Variants in KNSTRN observed in about 807,000 individuals in gnomAD.
The protein encoded by KNSTRN is small kinetochore-associated protein.
Under a neutral mutation model 44.7 loss-of-function variants are expected in KNSTRN, and 38 were observed. The observed-to-expected ratio is 0.85, with a 90% confidence interval of 0.66 to 1.11. The LOEUF (loss-of-function observed/expected upper bound fraction) is 1.11. Among genes scored for constraint, KNSTRN ranks in the 50% most tolerant of loss-of-function variants. The pLI is 0.00. For synonymous variants in KNSTRN, 158 were observed against 148.1 expected (o/e 1.07, Z -0.48); for missense variants, 406 against 375.8 (o/e 1.08, Z -0.66).
At chr15:40,384,168 T>C (rs1403072600) in intron 2 of KNSTRN, 1 of 234,560 alleles carries the variant, frequency 4.3e-6, no homozygotes, top group Non-Finnish European at 8.7e-6. Flanking sequence ...GGTCAGGAGA[T>C]GGAGACCATC....
At position 40,392,036 on chromosome 15, in the gene KNSTRN, C is replaced by T. The variant is rs1890007496; in HGVS notation, c.822+13C>T. On this transcript the variant is annotated intron_variant, in intron 8 of 8. Coordinates refer to ENST00000249776, the MANE Select transcript of KNSTRN (RefSeq NM_033286.4). The stretch of plus-strand genomic sequence containing the variant: ...GGAGGAGTTACAGGTGAGAGGCAGA[C>T]ATCACCCTGACCATTTCCTACCATG... 6.3e-7 allele frequency: 1 copy of T among 1,588,356 alleles called. No individual in the cohort carries two copies. Among genetic ancestry groups the T allele is most frequent in the Admixed American group, 1.8e-5 (1 of 56,864 alleles).
intron 5 of KNSTRN, 50 bp from the exon 6 acceptor site, chr15:40,389,786 C>T: frequency 6.4e-7 from 1 of 1,566,680 alleles, no homozygotes. Context: ...AGGGCAACCA[C>T]CCCTAGGGAG....
At chr15:40,386,578 AAC>A in intron 3 of KNSTRN, 84 bp downstream of exon 3, 1 of 1,448,250 alleles carries the variant, frequency 6.9e-7, no homozygotes, top group Admixed American at 1.9e-5. Flanking sequence ...AGTTTTGGAC[AAC>A]ACAAGTCTCC....
intron 2 of KNSTRN, chr15:40,384,266 T>G: frequency 3.4e-6 from 1 of 290,458 alleles, no homozygotes; most frequent in South Asian, 2.7e-5. Context: ...CCCAGCTACT[T>G]GGGAGGCTGA....
intron 6 of KNSTRN, among the ~76,000 whole-genome samples, chr15:40,390,512 GT>G (rs751642889): frequency 4.7e-4 from 72 of 152,350 alleles, no homozygotes; most frequent in Non-Finnish European, 8.7e-4. Flanking sequence ...CTCAGACTGA[GT>G]CAAAGAGCCA....
chr15:40,384,622 C>G (rs1889873598), intron 2 of KNSTRN: 1 of 357,742 alleles, frequency 2.8e-6, no homozygotes, highest in South Asian at 2.0e-5. Flanking sequence ...TCTTTGATTT[C>G]TATCTCTGTC....
At chr15:40,392,403 AATC>A (rs1190550252) in intron 8 of KNSTRN, among the ~76,000 whole-genome samples, 1 of 152,148 alleles carries the variant, frequency 6.6e-6, no homozygotes, top group Non-Finnish European at 1.5e-5. Flanking sequence ...AAAACTAAGA[AATC>A]AGCCAGGCAT....
chr15:40,392,898 A>C (rs776908941), intron 8 of KNSTRN, among the ~76,000 whole-genome samples: 58 of 152,308 alleles, frequency 3.8e-4, no homozygotes, highest in Non-Finnish European at 6.8e-4. Flanking sequence ...GGTGTGAGCC[A>C]CTGCACCCGG....
intron 2 of KNSTRN, 127 bp downstream of exon 2, chr15:40,383,449 C>G (rs942259110): frequency 7.5e-6 from 5 of 666,418 alleles, no homozygotes; most frequent in African/African-American, 3.6e-5. Context: ...CTGTGAGCCC[C>G]CTATAACCAG....
intron 2 of KNSTRN, among the ~76,000 whole-genome samples, chr15:40,385,984 G>A (rs1192091657): frequency 6.6e-6 from 1 of 152,240 alleles, no homozygotes; most frequent in East Asian, 1.9e-4. Context: ...AGGCATCGTG[G>A]CTCACGCCAG....
rs1390673744 is a variant in KNSTRN at position 40,391,493 on chromosome 15, C to G, written c.686C>G (p.Ala229Gly). 1 of 1,613,260 alleles carries G rather than the reference C, an allele frequency of 6.2e-7. No individual in the cohort carries two copies. Among genetic ancestry groups the G allele is most frequent in the Non-Finnish European group, 8.5e-7 (1 of 1,179,408 alleles). Residue 229 changes from alanine (A) to glycine (G), a missense_variant and splice_region_variant, in exon 7 of 9, where the codon GCT (alanine) becomes GGT (glycine). By Grantham distance (60) the Ala-to-Gly change is moderately conservative. Transcript: ENST00000249776. ...AGATTGACTTTGTTGTATCCATCAG[C>G]TTTAGGCAGTGAGACCCTGGCATCA... ...AILESKGLDP[A>G]LGSETLASRQ...
chr15:40,391,896 G>T, intron 7 of KNSTRN, 53 bp from the exon 8 acceptor site: 3 of 1,390,014 alleles, frequency 2.2e-6, no homozygotes, highest in Non-Finnish European at 3.0e-6. Flanking sequence ...ATCATCTAAT[G>T]CAAGTCTGGT....
In KNSTRN at chr15:40,393,638, A is replaced by G. The variant is rs1200570619; in HGVS notation, c.*41A>G. The G allele has an allele frequency of 4.4e-6, 7 of 1,583,256 alleles. No individual in the cohort carries two copies. Among genetic ancestry groups the G allele is most frequent in the Non-Finnish European group, 6.0e-6 (7 of 1,159,658 alleles). On this transcript the variant is annotated 3_prime_UTR_variant, in exon 9 of 9. Transcript: ENST00000249776. ...CAGATGGCTCCCTCTTGGGCATAAA[A>G]TCTCAGAGGAAGCTACTTAGGACAT... is the stretch of plus-strand genomic sequence containing the variant.
At chr15:40,383,702 G>A (rs1381012327) in intron 2 of KNSTRN, among the ~76,000 whole-genome samples, 1 of 152,164 alleles carries the variant, frequency 6.6e-6, no homozygotes, top group East Asian at 1.9e-4. Flanking sequence ...AGAATCATTT[G>A]AGAAGTGGGA....
intron 3 of KNSTRN, 68 bp downstream of exon 3, chr15:40,386,562 A>G (rs2141273293): frequency 1.3e-6 from 2 of 1,557,682 alleles, no homozygotes; most frequent in East Asian, 4.5e-5. Flanking sequence ...AAGAATTAGA[A>G]AACAGAGTTT....
chr15:40,390,619 CT>C (rs1049307817), intron 6 of KNSTRN, among the ~76,000 whole-genome samples: 213 of 144,818 alleles, frequency 1.5e-3, no homozygotes, highest in Middle Eastern at 7.0e-3. Context: ...TGAGGATATT[CT>C]TTTTTTTTTT....
In KNSTRN at chr15:40,386,307, G is replaced by A. The variant is rs1271369324; in HGVS notation, c.305-55G>A. Reference sequence around the variant, plus strand: ...CGAATGGGGCTCTGTTTGTTACAGGGTTGCAACTGTCGGGTCATGATGCCA... The same window carrying A: ...CGAATGGGGCTCTGTTTGTTACAGGATTGCAACTGTCGGGTCATGATGCCA... On this transcript the variant is annotated intron_variant, in intron 2 of 8. Transcript: ENST00000249776. 3 of 1,575,898 alleles carry A rather than the reference G, an allele frequency of 1.9e-6. No individual in the cohort carries two copies. The East Asian group carries it at 6.8e-5, about 36-fold the overall frequency.
At chr15:40,393,172 CT>C (rs775629354) in intron 8 of KNSTRN, 118 of 1,612,894 alleles carry the variant, frequency 7.3e-5, no homozygotes, top group Non-Finnish European at 9.5e-5. Context: ...AGCACAGATT[CT>C]TTGGTCTGGA....
Position 40,393,857 on chromosome 15 carries a change from G to T in KNSTRN, c.*260G>T. 1 of 256,382 alleles carries T rather than the reference G, an allele frequency of 3.9e-6. No homozygotes were observed. Among genetic ancestry groups the T allele is most frequent in the Non-Finnish European group, 7.5e-6 (1 of 132,478 alleles). 15.9% of individuals were successfully genotyped at this position (256,382 alleles called of 1,614,324 possible). A position where few individuals can be genotyped will look rare whatever the true frequency, so the allele number is the denominator to read the frequency against. Reference sequence around the variant, plus strand: ...ACAAGAGAGGGGAGCCTAGGAGCTTGGATTGACCTTCTAGTCAACCACCTG... The same window carrying T: ...ACAAGAGAGGGGAGCCTAGGAGCTTTGATTGACCTTCTAGTCAACCACCTG... On this transcript the variant is annotated 3_prime_UTR_variant, in exon 9 of 9. Transcript: ENST00000249776.
Sources: gnomAD v4.1 joint callset for allele counts (sites outside exome capture counted in the v4.1 genomes callset) on GRCh38, gnomAD v4.1.1 for gene constraint, MANE v1.5 for transcripts, NCBI Gene and HGNC (gene_info 2026-07-23, HGNC 2026-07-21) for gene names.